The following TLL2 variants were observed in gnomAD, a reference collection of about 807,000 sequenced individuals.
TLL2 encodes tolloid like 2.
In TLL2, 106 loss-of-function variants were observed where a neutral mutation model predicts 123.0. That is an observed-to-expected ratio of 0.86 (90% CI 0.74 to 1.01). TLL2 has a LOEUF of 1.01. TLL2 is among the 50% of genes least tolerant of loss of function. The probability of loss-of-function intolerance (pLI) is 0.00; values close to 1 mark genes in which losing one functional copy is unlikely to be tolerated. For synonymous variants in TLL2, 494 were observed against 516.8 expected, an observed-to-expected ratio of 0.96 and a Z score of 0.60; for missense variants, 1,332 against 1,336.7, an observed-to-expected ratio of 1.00 and a Z score of 0.06.
intron 1 of TLL2, 136 bp downstream of exon 1, chr10:96,513,375 G>T: frequency 1.8e-6 from 2 of 1,126,904 alleles, no homozygotes; most frequent in South Asian, 1.5e-5. Context: ...CGGAGGCATT[G>T]TCTTCCGGGG....
At chr10:96,405,211 C>A (rs372007773) in intron 10 of TLL2, 21 bp downstream of exon 10, 1 of 1,604,146 alleles carries the variant, frequency 6.2e-7, no homozygotes, top group South Asian at 1.1e-5. Flanking sequence ...CCTCTCTTAA[C>A]GGTGTCTAAA....
At chr10:96,403,674 C>T (rs1438151855) in intron 10 of TLL2, among the ~76,000 whole-genome samples, 1 of 152,190 alleles carries the variant, frequency 6.6e-6, no homozygotes, top group Non-Finnish European at 1.5e-5. Context: ...GACCGTCCCC[C>T]AGCCCGACAC....
At position 96,368,733 on chromosome 10, in the gene TLL2, G is replaced by T. The variant is rs112394779; in HGVS notation, c.2914-511C>A. ...TGGTTCAGGCCTCTGTCTCATCCAA[G>T]GACAAAAAAATGGGATGGAGCCACT... On this transcript the variant is annotated intron_variant, in intron 20 of 20. Coordinates refer to ENST00000357947, the MANE Select transcript of TLL2 (RefSeq NM_012465.4). Among the ~76,000 whole-genome samples, 382 of 152,176 alleles carry T rather than the reference G, an allele frequency of 2.5e-3. 2 individuals are homozygous for T. Among genetic ancestry groups the T allele is most frequent in the African/African-American group, 8.7e-3 (363 of 41,520 alleles).
intron 7 of TLL2, among the ~76,000 whole-genome samples, chr10:96,414,730 A>G (rs1846537652): frequency 6.6e-6 from 1 of 151,986 alleles, no homozygotes. Flanking sequence ...ACGTGCTCAA[A>G]ACCAAATTTA....
chr10:96,470,963 G>A (rs1847175517), intron 2 of TLL2, among the ~76,000 whole-genome samples: 1 of 152,178 alleles, frequency 6.6e-6, no homozygotes, highest in East Asian at 1.9e-4. Flanking sequence ...CCAACTTTGT[G>A]ATGACCCCAG....
At chr10:96,395,083 G>T in intron 13 of TLL2, 104 bp downstream of exon 13, 1 of 1,233,934 alleles carries the variant, frequency 8.1e-7, no homozygotes, top group South Asian at 1.5e-5. Flanking sequence ...TCTGCAGGGA[G>T]CCTTGTTTGG....
Position 96,417,104 on chromosome 10 carries a change from A to G in TLL2, c.924-3788T>C. Among the ~76,000 whole-genome samples the G allele has an allele frequency of 1.3e-5, 2 of 152,178 alleles. 1 individual carries two copies. The highest frequency in any genetic ancestry group is 3.9e-4 in the East Asian group (2 of 5,190). Reference sequence around the variant, plus strand: ...AGACACAAGGATTGAGTTTCCCATCAGCAGGGTATAGCATTTGCCCACCTC... The same window carrying G: ...AGACACAAGGATTGAGTTTCCCATCGGCAGGGTATAGCATTTGCCCACCTC... On this transcript the variant is annotated intron_variant, in intron 7 of 20. Coordinates refer to ENST00000357947, the MANE Select transcript of TLL2 (RefSeq NM_012465.4).
At chr10:96,460,243 C>T (rs537165971) in intron 2 of TLL2, among the ~76,000 whole-genome samples, 2 of 152,222 alleles carry the variant, frequency 1.3e-5, no homozygotes, top group African/African-American at 2.4e-5. Context: ...ATCCAATAGA[C>T]GTATGGAGAG....
chr10:96,452,298 T>C (rs1005256172), intron 2 of TLL2, among the ~76,000 whole-genome samples: 24 of 152,186 alleles, frequency 1.6e-4, no homozygotes, highest in African/African-American at 5.3e-4. Context: ...TGGATATCCA[T>C]CTGGGGACAG....
At position 96,409,884 on chromosome 10, in the gene TLL2, G is replaced by A. The variant is rs56366129; in HGVS notation, c.1164+475C>T. On this transcript the variant is annotated intron_variant, in intron 9 of 20. Coordinates refer to ENST00000357947, the MANE Select transcript of TLL2 (RefSeq NM_012465.4). The stretch of plus-strand genomic sequence containing the variant: ...GCCTGGCCAGTCCATCCCGCTGGAG[G>A]GGCAGCCAAGGAGTGGCTGTTTGCA... 2.0e-3 allele frequency among the ~76,000 whole-genome samples: 300 copies of A among 152,310 alleles called. 1 individual carries two copies. The highest frequency in any genetic ancestry group is 6.8e-3 in the African/African-American group (282 of 41,558).
chr10:96,469,479 T>C (rs10786294), intron 2 of TLL2, among the ~76,000 whole-genome samples: 84,935 of 152,034 alleles, frequency 0.56, 23,909 homozygotes, highest in Middle Eastern at 0.65. Flanking sequence ...CCTCCCTGTG[T>C]CTGTGCCTCT....
intron 3 of TLL2, among the ~76,000 whole-genome samples, chr10:96,433,481 G>C (rs1391044686): frequency 6.6e-6 from 1 of 152,144 alleles, no homozygotes; most frequent in Non-Finnish European, 1.5e-5. Context: ...CTTGGCATCT[G>C]TACCCTTAAG....
intron 1 of TLL2, among the ~76,000 whole-genome samples, chr10:96,506,251 C>CAAAAAAAAAA (rs1210970430): frequency 0.021 from 741 of 36,000 alleles, 26 homozygotes; most frequent in East Asian, 0.026. Flanking sequence ...GACCCCATCT[C>CAAAAAAAAAA]AAAAAAAAAA....
chr10:96,482,838 A>G (rs1360830006), intron 1 of TLL2, among the ~76,000 whole-genome samples: 1 of 152,356 alleles, frequency 6.6e-6, no homozygotes, highest in East Asian at 1.9e-4. Flanking sequence ...ATGTCTGTTA[A>G]AGAAAAAAAA....
At chr10:96,465,328 T>C (rs756455858) in intron 2 of TLL2, among the ~76,000 whole-genome samples, 3 of 152,218 alleles carry the variant, frequency 2.0e-5, no homozygotes, top group Non-Finnish European at 4.4e-5. Flanking sequence ...TATCTACTAA[T>C]GTGGTCCCAC....
chr10:96,410,290 TAAG>T, intron 9 of TLL2, 66 bp downstream of exon 9: 1 of 1,152,164 alleles, frequency 8.7e-7, no homozygotes, highest in South Asian at 1.3e-5. Context: ...CTATTAACAA[TAAG>T]AACTCCTCCC....
chr10:96,481,372 C>A (rs1400553778), intron 1 of TLL2, among the ~76,000 whole-genome samples: 1 of 152,152 alleles, frequency 6.6e-6, no homozygotes, highest in African/African-American at 2.4e-5. Flanking sequence ...TCAAATAATT[C>A]TCCTGCCTCG....
At chr10:96,490,494 C>G (rs893898229) in intron 1 of TLL2, among the ~76,000 whole-genome samples, 11 of 152,152 alleles carry the variant, frequency 7.2e-5, no homozygotes, top group African/African-American at 2.7e-4. Flanking sequence ...ACAGGTCTTG[C>G]ACATTTGTGA....
Position 96,368,191 on chromosome 10 carries a change from G to T in TLL2, c.2945C>A (p.Ser982Tyr). ...PLEEIYSAGD[S>Y]LMIRFRTDDT... ...ATCTGTGCGGAATCGAATCATCAGG[G>T]AATCACCTGCAGAGTAGATTTCTTC... Residue 982 changes from serine (S) to tyrosine (Y), a missense_variant, in exon 21 of 21, where the codon TCC becomes TAC. Transcript: ENST00000357947. 6.2e-7 allele frequency: 1 copy of T among 1,614,168 alleles called. No homozygotes were observed. The highest frequency in any genetic ancestry group is 1.1e-5 in the South Asian group (1 of 91,074).
Sources: gnomAD v4.1 joint callset for allele counts (sites outside exome capture counted in the v4.1 genomes callset) on GRCh38, gnomAD v4.1.1 for gene constraint, MANE v1.5 for transcripts, NCBI Gene and HGNC (gene_info 2026-07-23, HGNC 2026-07-21) for gene names.